DHRSX: variants seen among roughly 807,000 people sequenced by gnomAD.
DHRSX encodes the protein dehydrogenase/reductase X-linked.
A neutral mutation model predicts 34.0 loss-of-function variants in DHRSX; 31 were observed. The observed-to-expected ratio is 0.91, with a 90% CI of 0.69 to 1.23. DHRSX has a LOEUF of 1.23. Ranked by LOEUF, DHRSX falls within the 50% of genes most tolerant of loss-of-function variation. The probability of loss-of-function intolerance (pLI) is 0.00; values close to 1 mark genes in which losing one functional copy is unlikely to be tolerated. For missense variants in DHRSX, 414 were observed against 428.1 expected (o/e 0.97, Z 0.29); for synonymous variants, 201 against 183.8 (o/e 1.09, Z -0.76).
At chrX:2,322,293 A>G (rs772171603) in intron 3 of DHRSX, among the ~76,000 whole-genome samples, 10 of 152,176 alleles carry the variant, frequency 6.6e-5, no homozygotes, top group East Asian at 5.8e-4. Context: ...TCAAGCCTGT[A>G]ATCTCCACAC....
intron 3 of DHRSX, among the ~76,000 whole-genome samples, chrX:2,405,436 C>T (rs951600645): frequency 4.6e-5 from 7 of 151,968 alleles, no homozygotes; most frequent in South Asian, 2.1e-4. Context: ...TGCAGTGAGC[C>T]GAGATCACAT....
chrX:2,422,769 C>A (rs895822408), intron 2 of DHRSX, among the ~76,000 whole-genome samples: 112 of 151,686 alleles, frequency 7.4e-4, no homozygotes, highest in Non-Finnish European at 7.7e-4. Context: ...CATAGCAAGA[C>A]CCAGTATCTC....
chrX:2,271,769 T>A (rs2041558372), intron 4 of DHRSX, among the ~76,000 whole-genome samples: 1 of 152,000 alleles, frequency 6.6e-6, no homozygotes, highest in South Asian at 2.1e-4. Context: ...CCCGGCCCGG[T>A]GGGTCATGCC....
chrX:2,361,560 T>C (rs1306045665), intron 3 of DHRSX, among the ~76,000 whole-genome samples: 2 of 152,172 alleles, frequency 1.3e-5, no homozygotes, highest in African/African-American at 4.8e-5. Flanking sequence ...AATTTTCTTC[T>C]TGGTATTAAT....
At chrX:2,422,643 G>T (rs1160263391) in intron 2 of DHRSX, among the ~76,000 whole-genome samples, 2 of 152,106 alleles carry the variant, frequency 1.3e-5, no homozygotes, top group Non-Finnish European at 2.9e-5. Flanking sequence ...CACCATAAAA[G>T]TTATTAAAAG....
intron 3 of DHRSX, among the ~76,000 whole-genome samples, chrX:2,355,922 C>A (rs1386631268): frequency 1.3e-5 from 2 of 151,112 alleles, no homozygotes; most frequent in African/African-American, 4.9e-5. Flanking sequence ...AAAATGTAGC[C>A]AGGTGTGGTG....
chrX:2,238,045 C>G (rs1242244715), intron 6 of DHRSX, among the ~76,000 whole-genome samples: 1 of 152,046 alleles, frequency 6.6e-6, no homozygotes, highest in Admixed American at 6.6e-5. Flanking sequence ...TGGCCTGATG[C>G]ATTTGTATAC....
At chrX:2,396,951 G>A (rs1309248182) in intron 3 of DHRSX, among the ~76,000 whole-genome samples, 1 of 151,972 alleles carries the variant, frequency 6.6e-6, no homozygotes, top group Non-Finnish European at 1.5e-5. Flanking sequence ...GCATTTGAAG[G>A]AATAAAGAGA....
At chrX:2,313,518 G>A (rs767349685) in intron 3 of DHRSX, among the ~76,000 whole-genome samples, 81 of 151,838 alleles carry the variant, frequency 5.3e-4, no homozygotes, top group African/African-American at 1.7e-3. Context: ...ACAGGCAAGC[G>A]CCACCATGCC....
At chrX:2,343,514 T>G (rs1055238710) in intron 3 of DHRSX, among the ~76,000 whole-genome samples, 39 of 152,198 alleles carry the variant, frequency 2.6e-4, no homozygotes, top group Non-Finnish European at 3.5e-4. Flanking sequence ...TCTTCCATTG[T>G]CAATCCTCAC....
chrX:2,333,435 GAC>G (rs2042508212), intron 3 of DHRSX, among the ~76,000 whole-genome samples: 1 of 152,124 alleles, frequency 6.6e-6, no homozygotes, highest in Non-Finnish European at 1.5e-5. Flanking sequence ...ATGCAGTAGA[GAC>G]AGAGTGCCAC....
rs1436428025 is a variant in DHRSX at position 2,252,162 on chromosome X, G to A, written c.597-8932C>T. 2.0e-5 allele frequency among the ~76,000 whole-genome samples: 3 copies of A among 152,052 alleles called. No individual in the cohort carries two copies. The South Asian group carries it at 6.2e-4, about 32-fold the overall frequency. The stretch of plus-strand genomic sequence containing the variant: ...CTGAGGCAGGAGAATCCTTGAACCC[G>A]GGAGGTAGAGGTTGCAGTGAGCTGA... On this transcript the variant is annotated intron_variant, in intron 5 of 6. Coordinates refer to ENST00000334651, the MANE Select transcript of DHRSX (RefSeq NM_145177.3).
chrX:2,242,541 G>A (rs1410928014), intron 6 of DHRSX, among the ~76,000 whole-genome samples: 1 of 152,104 alleles, frequency 6.6e-6, no homozygotes, highest in Non-Finnish European at 1.5e-5. Context: ...GTCGCAGGAT[G>A]AGATAAGAGG....
At chrX:2,385,587 G>A (rs902247387) in intron 3 of DHRSX, among the ~76,000 whole-genome samples, 1 of 152,000 alleles carries the variant, frequency 6.6e-6, no homozygotes, top group Non-Finnish European at 1.5e-5. Context: ...CTGCATTCCG[G>A]CTGCTGTTAT....
At chrX:2,485,659 T>C (rs1163774394) in intron 1 of DHRSX, among the ~76,000 whole-genome samples, 1 of 18,914 alleles carries the variant, frequency 5.3e-5, no homozygotes, top group African/African-American at 3.0e-4. Context: ...GAGGGAGGGA[T>C]GGGGGAAGGA....
intron 3 of DHRSX, among the ~76,000 whole-genome samples, chrX:2,296,304 G>A (rs2041930727): frequency 6.6e-6 from 1 of 152,170 alleles, no homozygotes; most frequent in South Asian, 2.1e-4. Context: ...CACGTCCTCT[G>A]CTGGCGCTCT....
chrX:2,450,406 G>C (rs2044200264), intron 1 of DHRSX, among the ~76,000 whole-genome samples: 1 of 152,012 alleles, frequency 6.6e-6, no homozygotes, highest in Non-Finnish European at 1.5e-5. Flanking sequence ...AGGTTGCAGC[G>C]AGCCAAGATC....
intron 3 of DHRSX, among the ~76,000 whole-genome samples, chrX:2,397,770 C>A (rs1216943654): frequency 1.3e-5 from 2 of 152,036 alleles, no homozygotes; most frequent in Admixed American, 6.6e-5. Context: ...TCGTTACGGG[C>A]GGGATGGAAA....
intron 5 of DHRSX, among the ~76,000 whole-genome samples, chrX:2,247,909 G>A (rs1189139446): frequency 2.6e-5 from 4 of 151,868 alleles, no homozygotes; most frequent in Non-Finnish European, 4.4e-5. Flanking sequence ...GGTGGGTCCC[G>A]AAAACCAAAG....
Sources: gnomAD v4.1 joint callset for allele counts (sites outside exome capture counted in the v4.1 genomes callset) on GRCh38, gnomAD v4.1.1 for gene constraint, MANE v1.5 for transcripts, NCBI Gene and HGNC (gene_info 2026-07-23, HGNC 2026-07-21) for gene names.